PPARG: variants seen among roughly 807,000 people sequenced by gnomAD.
The protein encoded by PPARG is peroxisome proliferator-activated receptor gamma.
A neutral mutation model predicts 39.2 loss-of-function variants in PPARG; 17 were observed. The ratio of observed to expected loss-of-function variants is 0.43; its 90% confidence interval spans 0.30 to 0.65. The LOEUF is 0.65. PPARG is among the 30% of genes least tolerant of loss of function. PPARG has a pLI of 0.13. For missense variants in PPARG, 406 were observed against 585.9 expected (o/e 0.69, Z 3.17); for synonymous variants, 223 against 215.7 (o/e 1.03, Z -0.30).
At chr3:12,303,639 A>T (rs997249891) in intron 1 of PPARG, among the ~76,000 whole-genome samples, 8 of 152,134 alleles carry the variant, frequency 5.3e-5, no homozygotes, top group Admixed American at 5.2e-4. Context: ...TTGTCAAAGG[A>T]TTGCTAGGAA....
chr3:12,410,697 T>C (rs113978464), intron 6 of PPARG, among the ~76,000 whole-genome samples: 351 of 152,332 alleles, frequency 2.3e-3, no homozygotes, highest in Non-Finnish European at 4.3e-3. Context: ...GTGTGAAATA[T>C]GAAACTAGTG....
At chr3:12,333,589 G>T (rs1323657656) in intron 2 of PPARG, among the ~76,000 whole-genome samples, 1 of 152,018 alleles carries the variant, frequency 6.6e-6, no homozygotes, top group Non-Finnish European at 1.5e-5. Flanking sequence ...GTGCCATCTC[G>T]CTATGGAACC....
chr3:12,379,577 CTGT>C (rs1477408738), intron 2 of PPARG, 124 bp from the exon 3 acceptor site: 7 of 826,822 alleles, frequency 8.5e-6, no homozygotes, highest in African/African-American at 8.5e-5. Flanking sequence ...ATGTTCTTTT[CTGT>C]TGTTGTGAGC....
intron 2 of PPARG, chr3:12,351,421 C>T: frequency 3.1e-6 from 2 of 654,422 alleles, no homozygotes; most frequent in Non-Finnish European, 2.8e-6. Context: ...AAGCCCAGTC[C>T]TTTCTGTGTT....
chr3:12,306,458 G>A (rs1252957484), intron 1 of PPARG, among the ~76,000 whole-genome samples: 1 of 152,138 alleles, frequency 6.6e-6, no homozygotes, highest in Admixed American at 6.5e-5. Context: ...AAAATAACCT[G>A]CCAGGTGATA....
intron 4 of PPARG, among the ~76,000 whole-genome samples, chr3:12,386,251 A>G (rs2049865287): frequency 6.6e-6 from 1 of 152,084 alleles, no homozygotes; most frequent in Non-Finnish European, 1.5e-5. Flanking sequence ...TAATATCCTT[A>G]CATCTTCCTC....
intron 2 of PPARG, among the ~76,000 whole-genome samples, chr3:12,360,625 ATTCTAAT>A (rs1327647200): frequency 2.7e-5 from 4 of 150,108 alleles, no homozygotes; most frequent in African/African-American, 9.8e-5. Flanking sequence ...CCCTCTGACT[ATTCTAAT>A]TTCTAACTCA....
intron 3 of PPARG, among the ~76,000 whole-genome samples, chr3:12,381,064 TG>T (rs1167025290): frequency 6.6e-6 from 1 of 152,214 alleles, no homozygotes; most frequent in Non-Finnish European, 1.5e-5. Flanking sequence ...TGCAGGCTAC[TG>T]GGGGTCATAG....
chr3:12,295,703 C>T lies in PPARG; in HGVS notation c.-83+6569C>T, dbSNP rs181151721. ...TAATTTTTTGCATTTTTATTAGAGA[C>T]GGGGTTTCACCATGTTGGCCAGTCT... is the stretch of plus-strand genomic sequence containing the variant. On this transcript the variant is annotated intron_variant, in intron 1 of 7. Transcript: ENST00000651735. Among the ~76,000 whole-genome samples, 1,396 of 151,804 alleles carry T rather than the reference C, an allele frequency of 9.2e-3. 18 individuals are homozygous for T. The highest frequency in any genetic ancestry group is 0.03 in the African/African-American group (1,241 of 41,432).
intron 2 of PPARG, among the ~76,000 whole-genome samples, chr3:12,313,418 T>A (rs1007205738): frequency 6.6e-5 from 10 of 152,120 alleles, no homozygotes; most frequent in Non-Finnish European, 1.3e-4. Context: ...TCAAAATGCT[T>A]TCAGATTCCA....
chr3:12,381,608 T>C (rs2049664782), intron 4 of PPARG, 117 bp downstream of exon 4: 2 of 1,087,986 alleles, frequency 1.8e-6, no homozygotes, highest in Middle Eastern at 2.9e-4. Context: ...AAGAGTATCT[T>C]GCTCTGTCAC....
At chr3:12,367,640 G>A (rs1203446862) in intron 2 of PPARG, among the ~76,000 whole-genome samples, 1 of 151,620 alleles carries the variant, frequency 6.6e-6, no homozygotes, top group African/African-American at 2.4e-5. Flanking sequence ...CTTGAGTCCG[G>A]GAGTTTGAGA....
intron 2 of PPARG, among the ~76,000 whole-genome samples, chr3:12,326,054 G>A (rs957811362): frequency 2.6e-5 from 4 of 152,064 alleles, no homozygotes; most frequent in Non-Finnish European, 5.9e-5. Context: ...AAAACCACAA[G>A]AAGTCATCCC....
intron 6 of PPARG, among the ~76,000 whole-genome samples, chr3:12,412,411 C>G (rs1000684183): frequency 1.5e-4 from 23 of 152,086 alleles, no homozygotes; most frequent in Admixed American, 6.6e-4. Flanking sequence ...CTTTTAATCC[C>G]ATCCTGAAAA....
intron 2 of PPARG, among the ~76,000 whole-genome samples, chr3:12,379,239 A>G (rs922193107): frequency 6.6e-6 from 1 of 152,132 alleles, no homozygotes; most frequent in Non-Finnish European, 1.5e-5. Flanking sequence ...TCCTGACCTC[A>G]GGTGATCCTC....
chr3:12,317,817 A>G (rs2047430005), intron 2 of PPARG, among the ~76,000 whole-genome samples: 1 of 152,216 alleles, frequency 6.6e-6, no homozygotes, highest in South Asian at 2.1e-4. Flanking sequence ...AAAACATACA[A>G]AGCATAAATA....
intron 2 of PPARG, among the ~76,000 whole-genome samples, chr3:12,362,249 G>A (rs1672475052): frequency 6.6e-6 from 1 of 152,122 alleles, no homozygotes; most frequent in Non-Finnish European, 1.5e-5. Flanking sequence ...TAACATGGTG[G>A]CTCATGCCTG....
At chr3:12,406,532 CTTTT>C (rs10540594) in intron 6 of PPARG, 8,030 of 60,020 alleles carry the variant, frequency 0.13, 771 homozygotes, top group African/African-American at 0.41. Context: ...AGAGTTACCT[CTTTT>C]TTTTTTTTTT....
intron 2 of PPARG, among the ~76,000 whole-genome samples, chr3:12,364,523 G>A (rs948388243): frequency 6.6e-6 from 1 of 152,112 alleles, no homozygotes; most frequent in African/African-American, 2.4e-5. Flanking sequence ...ACCTGTGTGT[G>A]GGTTTTTTGT....
Sources: allele counts gnomAD v4.1 joint callset (sites outside exome capture counted in the v4.1 genomes callset), GRCh38; gene constraint gnomAD v4.1.1; transcripts MANE v1.5; gene names NCBI Gene and HGNC (gene_info 2026-07-23, HGNC 2026-07-21).